Variants in CD2AP observed in about 807,000 individuals in gnomAD.
CD2AP encodes the protein CD2 associated protein.
A neutral mutation model predicts 85.1 loss-of-function variants in CD2AP; 46 were observed. That is an observed-to-expected ratio of 0.54 (90% CI 0.43 to 0.69). The LOEUF is 0.69. CD2AP is among the 30% of genes least tolerant of loss of function. The pLI is 0.00. For missense variants in CD2AP, 769 were observed against 729.5 expected (o/e 1.05, Z -0.62); for synonymous variants, 255 against 252.9 (o/e 1.01, Z -0.08).
At chr6:47,510,857 G>A (rs1417247953) in intron 2 of CD2AP, among the ~76,000 whole-genome samples, 2 of 151,918 alleles carry the variant, frequency 1.3e-5, no homozygotes, top group African/African-American at 4.8e-5. Flanking sequence ...GGCAGATTAC[G>A]AGGTCAAGAG....
intron 4 of CD2AP, among the ~76,000 whole-genome samples, chr6:47,554,186 C>T (rs1456178335): frequency 1.3e-5 from 2 of 152,072 alleles, no homozygotes; most frequent in African/African-American, 4.8e-5. Context: ...GCTGGGATTA[C>T]AGACCTGAGC....
In CD2AP at chr6:47,575,448, A is replaced by G. The variant is rs1292074778; in HGVS notation, c.730-1076A>G. On this transcript the variant is annotated intron_variant, in intron 6 of 17. Transcript: ENST00000359314. Reference sequence around the variant, plus strand: ...AGTTGTTATTAGTGACTGTAGTCTCAGGGTTACCCTATATAATGGTCTGGT... The same window carrying G: ...AGTTGTTATTAGTGACTGTAGTCTCGGGGTTACCCTATATAATGGTCTGGT... 2.6e-5 allele frequency among the ~76,000 whole-genome samples: 4 copies of G among 152,188 alleles called. No homozygotes were observed. The South Asian group carries it at 8.3e-4, about 31-fold the overall frequency.
chr6:47,609,211 A>G lies in CD2AP; in HGVS notation c.1721A>G (p.Glu574Gly), dbSNP rs1769358200. ...CCATTAGAAATCAAAGCTAAAGTGG[A>G]AACAGATGATGTGAAAAAAAATTCC... ...LTPLEIKAKVETDDVKKNSLD... is the reference protein window; with the variant it reads ...LTPLEIKAKVGTDDVKKNSLD... Residue 574 changes from glutamate to glycine, a missense_variant, in exon 16 of 18, where the codon GAA becomes GGA. Transcript: ENST00000359314. 7 of 1,613,236 alleles carry G rather than the reference A, an allele frequency of 4.3e-6. No homozygotes were observed. The highest frequency in any genetic ancestry group is 5.9e-6 in the Non-Finnish European group (7 of 1,179,404).
At chr6:47,595,535 C>T (rs1768916276) in intron 11 of CD2AP, among the ~76,000 whole-genome samples, 2 of 151,886 alleles carry the variant, frequency 1.3e-5, no homozygotes, top group Admixed American at 6.6e-5. Context: ...AGAGTAAAAT[C>T]ATGTGTGGTT....
intron 17 of CD2AP, among the ~76,000 whole-genome samples, chr6:47,620,570 T>C (rs1769715977): frequency 6.6e-6 from 1 of 152,172 alleles, no homozygotes; most frequent in African/African-American, 2.4e-5. Flanking sequence ...AATTGTTTTT[T>C]CCAATTCTGT....
At position 47,589,565 on chromosome 6, in the gene CD2AP, C is replaced by CACATATATATAT. The variant is rs139814970; in HGVS notation, c.1109-6295_1109-6294insCATATATATATA. Among the ~76,000 whole-genome samples, 55 of 120,998 alleles carry CACATATATATAT rather than the reference C, an allele frequency of 4.5e-4. 2 individuals are homozygous for CACATATATATAT. The highest frequency in any genetic ancestry group is 0.011 in the Middle Eastern group (2 of 188). The allele number at this position is 120,998 out of a possible 152,430, so 79.4% of individuals were successfully genotyped here. On this transcript the variant is annotated intron_variant, in intron 11 of 17. Transcript: ENST00000359314. ...ACACATATATATACACACACACACA[C>CACATATATATAT]ATATATATATATATATTTGTCAGAG... is the stretch of plus-strand genomic sequence containing the variant.
chr6:47,530,308 T>A (rs1766839547), intron 2 of CD2AP, among the ~76,000 whole-genome samples: 1 of 152,202 alleles, frequency 6.6e-6, no homozygotes, highest in African/African-American at 2.4e-5. Context: ...TCTGGCACAA[T>A]AAAGATGCAG....
At chr6:47,598,518 C>T (rs767391772) in intron 12 of CD2AP, among the ~76,000 whole-genome samples, 5 of 150,752 alleles carry the variant, frequency 3.3e-5, no homozygotes, top group East Asian at 3.9e-4. Flanking sequence ...CATGAATCAA[C>T]GAGTGAATAA....
chr6:47,596,804 A>G (rs1335520868), intron 12 of CD2AP, among the ~76,000 whole-genome samples: 1 of 152,008 alleles, frequency 6.6e-6, no homozygotes, highest in Non-Finnish European at 1.5e-5. Flanking sequence ...TCATATGATA[A>G]TTATCTTTTT....
intron 3 of CD2AP, among the ~76,000 whole-genome samples, chr6:47,541,843 T>A (rs1433082101): frequency 6.6e-6 from 1 of 152,244 alleles, no homozygotes; most frequent in Non-Finnish European, 1.5e-5. Context: ...GATATTTCTA[T>A]TGTAGCATGA....
At chr6:47,563,013 A>G (rs187873858) in intron 5 of CD2AP, 53 of 375,876 alleles carry the variant, frequency 1.4e-4, no homozygotes, top group Admixed American at 5.6e-4. Flanking sequence ...CTTCAAATGC[A>G]AGAAATGAAC....
At chr6:47,533,124 A>T (rs1582524340) in intron 2 of CD2AP, among the ~76,000 whole-genome samples, 1 of 152,240 alleles carries the variant, frequency 6.6e-6, no homozygotes, top group South Asian at 2.1e-4. Flanking sequence ...TTAGAATTTT[A>T]GTGTCTATAA....
Position 47,532,610 on chromosome 6 carries a change from A to G in CD2AP, c.166-992A>G, listed in dbSNP as rs560591013. Among the ~76,000 whole-genome samples the G allele has an allele frequency of 7.2e-5, 11 of 152,114 alleles. No individual in the cohort carries two copies. The South Asian group carries it at 1.9e-3, about 26-fold the overall frequency. On this transcript the variant is annotated intron_variant, in intron 2 of 17. Transcript: ENST00000359314. Reference sequence around the variant, plus strand: ...ATGGATTTCCTATTTTGTTTCATTTATCAGTACTGTCTTTATGCCAGTAGC... The same window carrying G: ...ATGGATTTCCTATTTTGTTTCATTTGTCAGTACTGTCTTTATGCCAGTAGC...
At chr6:47,537,065 G>GT (rs1025732859) in intron 3 of CD2AP, among the ~76,000 whole-genome samples, 1 of 152,172 alleles carries the variant, frequency 6.6e-6, no homozygotes, top group Admixed American at 6.6e-5. Context: ...ATTATTTTGA[G>GT]TGTAAAAGAT....
At chr6:47,501,123 ACG>A (rs1195199447) in intron 1 of CD2AP, among the ~76,000 whole-genome samples, 1 of 152,198 alleles carries the variant, frequency 6.6e-6, no homozygotes, top group Non-Finnish European at 1.5e-5. Context: ...ATGGTGGCTC[ACG>A]CCTGTGATCC....
intron 14 of CD2AP, 21 bp from the exon 15 acceptor site, chr6:47,607,906 G>T (rs746747673): frequency 1.3e-6 from 2 of 1,547,734 alleles, no homozygotes; most frequent in South Asian, 1.1e-5. Context: ...TATGTCTCTT[G>T]ACTTCTAAAA....
At chr6:47,486,021 C>T (rs1258246461) in intron 1 of CD2AP, among the ~76,000 whole-genome samples, 5 of 152,090 alleles carry the variant, frequency 3.3e-5, no homozygotes, top group Non-Finnish European at 5.9e-5. Flanking sequence ...CATAACTGCA[C>T]TTTTAAGTGT....
chr6:47,533,298 T>C (rs1044485346), intron 2 of CD2AP, among the ~76,000 whole-genome samples: 1 of 152,130 alleles, frequency 6.6e-6, no homozygotes, highest in Non-Finnish European at 1.5e-5. Context: ...CCCCTGACTT[T>C]GAATTATTGT....
intron 5 of CD2AP, among the ~76,000 whole-genome samples, chr6:47,570,771 A>G (rs776107871): frequency 1.3e-5 from 2 of 152,158 alleles, no homozygotes; most frequent in Non-Finnish European, 2.9e-5. Flanking sequence ...GGGCAAATAT[A>G]ATGGAGGGGG....
Sources: gnomAD v4.1 joint callset for allele counts (sites outside exome capture counted in the v4.1 genomes callset) on GRCh38, gnomAD v4.1.1 for gene constraint, MANE v1.5 for transcripts, NCBI Gene and HGNC (gene_info 2026-07-23, HGNC 2026-07-21) for gene names.